The following HERC1 variants were observed in gnomAD, a reference collection of about 807,000 sequenced individuals.
HERC1 encodes the protein probable E3 ubiquitin-protein ligase HERC1.
In HERC1, 160 loss-of-function variants were observed where a neutral mutation model predicts 554.3. The ratio of observed to expected loss-of-function variants is 0.29; its 90% confidence interval spans 0.25 to 0.33. HERC1 has a LOEUF of 0.33. HERC1 is among the 10% of genes least tolerant of loss of function. The pLI is 1.00. For synonymous variants in HERC1, 2,175 were observed against 2,131.7 expected (o/e 1.02, Z -0.56); for missense variants, 4,919 against 5,918.5 (o/e 0.83, Z 5.54).
chr15:63,637,648 T>C lies in HERC1; in HGVS notation c.12094-5A>G, dbSNP rs1353386354. The C allele has an allele frequency of 7.8e-6, 12 of 1,543,292 alleles. No homozygotes were observed. The highest frequency in any genetic ancestry group is 4.1e-5 in the African/African-American group (3 of 72,694). On this transcript the variant is annotated splice_polypyrimidine_tract_variant and splice_region_variant and intron_variant, in intron 63 of 77. Coordinates refer to ENST00000443617, the MANE Select transcript of HERC1 (RefSeq NM_003922.4). ...ACAATTCTGACCACAAATGACCTAG[T>C]ATAAAAACACAGAATTAAATATTTT...
At chr15:63,826,856 G>A (rs4577025) in intron 1 of HERC1, among the ~76,000 whole-genome samples, 41,970 of 100,414 alleles carry the variant, frequency 0.42, 9,456 homozygotes, top group Non-Finnish European at 0.51. Flanking sequence ...GTATGACAAC[G>A]TATTCTGTTG....
intron 1 of HERC1, among the ~76,000 whole-genome samples, chr15:63,798,721 T>C (rs141731116): frequency 6.6e-6 from 1 of 152,338 alleles, no homozygotes; most frequent in African/African-American, 2.4e-5. Flanking sequence ...ATTTTAATTC[T>C]CTGCCATACA....
At chr15:63,755,193 T>A in intron 6 of HERC1, 36 bp downstream of exon 6, 1 of 1,396,506 alleles carries the variant, frequency 7.2e-7, no homozygotes. Flanking sequence ...TTTCTAATTT[T>A]CTAGAAGAAT....
chr15:63,718,854 A>G lies in HERC1; in HGVS notation c.3786T>C (p.Thr1262=), dbSNP rs1239037974. ...ATLSNESLLD[T]VSRFVLAALL... Reference sequence around the variant, plus strand: ...GAGCTGCAAGAACAAATCTAGACACAGTGTCCAAGAGTGACTCATTACTTA... The same window carrying G: ...GAGCTGCAAGAACAAATCTAGACACGGTGTCCAAGAGTGACTCATTACTTA... The change falls in exon 20 of 78, where the codon ACT becomes ACC. Residue 1262 remains threonine, a synonymous_variant. Coordinates refer to ENST00000443617, the MANE Select transcript of HERC1 (RefSeq NM_003922.4). The surrounding 1 kb of genome is among the most constrained non-coding windows in gnomAD (Gnocchi z 4.2). The G allele has an allele frequency of 1.2e-6, 2 of 1,612,588 alleles. No individual in the cohort carries two copies. Among genetic ancestry groups the G allele is most frequent in the Non-Finnish European group, 1.7e-6 (2 of 1,178,824 alleles).
chr15:63,713,399 G>C lies in HERC1; in HGVS notation c.4417C>G (p.Gln1473Glu). ...LQKRREEGQLQQPSTSASEGG... is the reference protein window; with the variant it reads ...LQKRREEGQLEQPSTSASEGG... Reference sequence around the variant, plus strand: ...TCAGAGGCACTTGTTGAAGGTTGCTGCAACTGTCCTTCTTCTCTTCGCTTC... The same window carrying C: ...TCAGAGGCACTTGTTGAAGGTTGCTCCAACTGTCCTTCTTCTCTTCGCTTC... The change falls in exon 23 of 78, where the codon CAG becomes GAG. Residue 1473 changes from glutamine to glutamate, a missense_variant. Gln to Glu is a conservative substitution (Grantham distance 29). This residue lies in a region of HERC1 where 1,121 missense variants were observed against 1,244.0 expected (regional missense o/e 0.90). Coordinates refer to ENST00000443617, the MANE Select transcript of HERC1 (RefSeq NM_003922.4). The C allele has an allele frequency of 6.2e-7, 1 of 1,614,020 alleles. No homozygotes were observed. Among genetic ancestry groups the C allele is most frequent in the Non-Finnish European group, 8.5e-7 (1 of 1,179,880 alleles).
intron 68 of HERC1, among the ~76,000 whole-genome samples, chr15:63,631,698 G>T (rs746418432): frequency 6.6e-6 from 1 of 152,088 alleles, no homozygotes; most frequent in Non-Finnish European, 1.5e-5. Flanking sequence ...CTGCCACCAC[G>T]CTCGGCTAAT....
intron 32 of HERC1, 49 bp downstream of exon 32, chr15:63,690,492 C>A: frequency 1.6e-6 from 2 of 1,243,894 alleles, no homozygotes; most frequent in South Asian, 2.5e-5. Flanking sequence ...TTGGGTGAAT[C>A]ATTTTGCAAA....
intron 1 of HERC1, among the ~76,000 whole-genome samples, chr15:63,829,472 TTATATAAATATATA>T (rs1216712120): frequency 1.1e-4 from 3 of 28,454 alleles, no homozygotes; most frequent in Non-Finnish European, 3.1e-4. Context: ...ACATATATGT[TTATATAAATATATA>T]TATATATATA....
chr15:63,610,806 C>T (rs1400483810), intron 77 of HERC1, among the ~76,000 whole-genome samples: 2 of 152,210 alleles, frequency 1.3e-5, no homozygotes, highest in Non-Finnish European at 1.5e-5. Flanking sequence ...TCTGAACAAA[C>T]ATCATGGGCC....
chr15:63,642,905 T>G, intron 59 of HERC1, 52 bp downstream of exon 59: 2 of 1,107,920 alleles, frequency 1.8e-6, no homozygotes, highest in South Asian at 2.6e-5. Context: ...CTATGATTTC[T>G]AAAGTTCCTT....
intron 1 of HERC1, among the ~76,000 whole-genome samples, chr15:63,813,120 AT>A (rs1441207842): frequency 2.0e-5 from 3 of 152,256 alleles, no homozygotes. Flanking sequence ...TAAGACCTTC[AT>A]AAAAATCTGC....
At position 63,664,726 on chromosome 15, in the gene HERC1, C is replaced by T. The variant is rs139830307; in HGVS notation, c.8556-132G>A. 0.011 allele frequency: 8,299 copies of T among 750,714 alleles called. 84 individuals carry two copies. The highest frequency in any genetic ancestry group is 0.022 in the Middle Eastern group (77 of 3,560). The allele number at this position is 750,714 out of a possible 1,614,324, so 46.5% of individuals were successfully genotyped here. ...AATATGTTTATGATAAAATTTGAAA[C>T]ACATCTTTATCCCTTGAACAGTTCA... On this transcript the variant is annotated intron_variant, in intron 42 of 77. Transcript: ENST00000443617.
intron 65 of HERC1, among the ~76,000 whole-genome samples, chr15:63,635,383 G>A (rs2068738269): frequency 6.6e-6 from 1 of 152,084 alleles, no homozygotes; most frequent in Admixed American, 6.6e-5. Flanking sequence ...TTGCTCTCCT[G>A]CTCTCCCAAG....
rs1352968193 is a variant in HERC1 at position 63,638,754 on chromosome 15, C to T, written c.11924G>A (p.Gly3975Asp). 6.2e-7 allele frequency: 1 copy of T among 1,613,442 alleles called. No individual in the cohort carries two copies. The highest frequency in any genetic ancestry group is 8.5e-7 in the Non-Finnish European group (1 of 1,179,532). The change falls in exon 62 of 78, where the codon GGC (glycine) becomes GAC (aspartate). Residue 3975 changes from glycine (G) to aspartate (D), a missense_variant. Coordinates refer to ENST00000443617, the MANE Select transcript of HERC1 (RefSeq NM_003922.4). Reference protein sequence around the residue: ...FLMDNSKWINGMDEQIMSWAT... With the variant: ...FLMDNSKWINDMDEQIMSWAT... Reference sequence around the variant, plus strand: ...CCAAGACATAATTTGTTCATCCATGCCGTTAATCCATTTACTGTTATCCTG... The same window carrying T: ...CCAAGACATAATTTGTTCATCCATGTCGTTAATCCATTTACTGTTATCCTG...
chr15:63,725,491 A>T lies in HERC1; in HGVS notation c.3369T>A (p.Pro1123=), dbSNP rs1450621916. The change falls in exon 18 of 78, where the codon CCT becomes CCA. Residue 1123 remains proline (P), a synonymous_variant. Transcript: ENST00000443617. ...CTGGCTGAGGTAATGGCAGACCAGC[A>T]GGATCAATTAGTTCTGGCCCTCCTA... is the stretch of plus-strand genomic sequence containing the variant. The part of the protein sequence containing the change: ...PLHGGPELID[P]AGLPLPQPAQ... The T allele has an allele frequency of 6.2e-7, 1 of 1,613,828 alleles. No individual in the cohort carries two copies. The highest frequency in any genetic ancestry group is 1.7e-5 in the Admixed American group (1 of 59,996).
At chr15:63,672,878 T>C (rs192547384) in intron 38 of HERC1, among the ~76,000 whole-genome samples, 184 bp from the exon 39 acceptor site, 4 of 152,348 alleles carry the variant, frequency 2.6e-5, no homozygotes, top group Admixed American at 2.0e-4. Flanking sequence ...TATTCACTAC[T>C]GTACTCATTA....
rs2076079395 is a variant in HERC1, at chr15:63,775,190, G to A, written c.434C>T (p.Ser145Phe). 6.2e-7 allele frequency: 1 copy of A among 1,613,892 alleles called. No individual in the cohort carries two copies. The highest frequency in any genetic ancestry group is 1.3e-5 in the African/African-American group (1 of 74,926). ...ESSSGSADVH[S>F]VSERPRSSTD... ...GCTTGACCGGGGGCGTTCACTAACA[G>A]AATGGACATCTGCTGAACCAGAACT... The change falls in exon 2 of 78, where the codon TCT (serine) becomes TTT (phenylalanine). Residue 145 changes from serine to phenylalanine, a missense_variant. Ser to Phe is a radical substitution (Grantham distance 155). Around this residue, in one of 11 missense-constraint regions of HERC1, gnomAD observed 744 missense variants for 1,090.0 expected, o/e 0.68. Coordinates refer to ENST00000443617, the MANE Select transcript of HERC1 (RefSeq NM_003922.4). This position sits in a 1 kb window ranked among gnomAD's most constrained non-coding sequence, Gnocchi z 4.0.
At chr15:63,659,413 G>T (rs901659044) in intron 47 of HERC1, among the ~76,000 whole-genome samples, 1 of 152,008 alleles carries the variant, frequency 6.6e-6, no homozygotes, top group African/African-American at 2.4e-5. Flanking sequence ...CACCCACCCA[G>T]CTACTTTTCT....
chr15:63,732,881 T>C, intron 14 of HERC1, 43 bp downstream of exon 14: 2 of 1,249,646 alleles, frequency 1.6e-6, no homozygotes, highest in Non-Finnish European at 2.3e-6. Flanking sequence ...AAGAGATCCC[T>C]ACCCCTTTAT....
Sources: allele counts gnomAD v4.1 joint callset (sites outside exome capture counted in the v4.1 genomes callset), GRCh38; gene constraint gnomAD v4.1.1; regional missense constraint gnomAD v4.1.1; non-coding constraint Gnocchi (gnomAD v3.1); transcripts MANE v1.5; gene names NCBI Gene and HGNC (gene_info 2026-07-23, HGNC 2026-07-21).